The following TFAP2D variants were observed in gnomAD, a reference collection of about 807,000 sequenced individuals.
TFAP2D encodes the protein transcription factor AP-2-delta.
TFAP2D carries 9 observed loss-of-function variants against 43.6 expected under a neutral mutation model. The ratio of observed to expected loss-of-function variants is 0.21; its 90% CI spans 0.12 to 0.36. TFAP2D has a LOEUF of 0.36. Among genes scored for constraint, TFAP2D ranks in the 10% least tolerant of loss-of-function variants. TFAP2D has a pLI of 1.00. For missense variants in TFAP2D, 513 were observed against 561.4 expected, an observed-to-expected ratio of 0.91 and a Z score of 0.87; for synonymous variants, 256 against 224.9, an observed-to-expected ratio of 1.14 and a Z score of -1.24.
intron 7 of TFAP2D, 94 bp from the exon 8 acceptor site, chr6:50,772,551 T>C: frequency 9.2e-7 from 1 of 1,084,904 alleles, no homozygotes; most frequent in Non-Finnish European, 1.4e-6. Flanking sequence ...AATACCTGTT[T>C]AATTGAATGT....
chr6:50,716,030 C>T (rs960162804), intron 2 of TFAP2D, among the ~76,000 whole-genome samples: 1 of 152,102 alleles, frequency 6.6e-6, no homozygotes, highest in Non-Finnish European at 1.5e-5. Context: ...GATGACCAAT[C>T]GTACCCTCAA....
intron 2 of TFAP2D, among the ~76,000 whole-genome samples, chr6:50,716,757 C>T (rs1768634407): frequency 1.3e-5 from 2 of 152,192 alleles, no homozygotes; most frequent in East Asian, 3.9e-4. Context: ...CTGCACAAAG[C>T]TGGCCACCTT....
chr6:50,725,694 T>C (rs1768798064), intron 3 of TFAP2D, among the ~76,000 whole-genome samples: 1 of 152,208 alleles, frequency 6.6e-6, no homozygotes, highest in South Asian at 2.1e-4. Flanking sequence ...CATTACCATC[T>C]GTAGTCTGGA....
At chr6:50,767,327 T>C (rs1401193441) in intron 7 of TFAP2D, among the ~76,000 whole-genome samples, 2 of 152,198 alleles carry the variant, frequency 1.3e-5, no homozygotes, top group Admixed American at 6.5e-5. Flanking sequence ...GCTTGTCATA[T>C]ATGGTCTTTA....
chr6:50,715,683 C>T (rs1016444576), intron 2 of TFAP2D, 70 bp downstream of exon 2: 2 of 1,498,332 alleles, frequency 1.3e-6, no homozygotes, highest in Admixed American at 2.1e-5. Context: ...CCCATTAATG[C>T]TCCGACTGTA....
rs919175431 is a variant in TFAP2D at position 50,744,654 on chromosome 6, G to A, written c.884-453G>A. Among the ~76,000 whole-genome samples the A allele has an allele frequency of 5.9e-5, 9 of 152,196 alleles. No individual in the cohort carries two copies. The East Asian group carries it at 1.7e-3, about 29-fold the overall frequency. On this transcript the variant is annotated intron_variant, in intron 5 of 7. Transcript: ENST00000008391. ...TCCGACTTCCTCGAAAAGTTATATGGACCCTTCGCAGGTATTTTAATAGGT... is the reference window on the plus strand; with the variant it reads ...TCCGACTTCCTCGAAAAGTTATATGAACCCTTCGCAGGTATTTTAATAGGT...
intron 7 of TFAP2D, among the ~76,000 whole-genome samples, chr6:50,763,798 A>G (rs1213150720): frequency 6.6e-6 from 1 of 152,186 alleles, no homozygotes; most frequent in Non-Finnish European, 1.5e-5. Flanking sequence ...ACTCTGGGGA[A>G]ACGTGAAAAT....
intron 5 of TFAP2D, among the ~76,000 whole-genome samples, chr6:50,735,336 A>T (rs1190446258): frequency 2.0e-5 from 3 of 152,116 alleles, no homozygotes; most frequent in Non-Finnish European, 4.4e-5. Context: ...GAATTTAACT[A>T]AAGTAAAACT....
intron 7 of TFAP2D, among the ~76,000 whole-genome samples, chr6:50,756,164 G>A (rs1040900345): frequency 1.3e-4 from 20 of 152,034 alleles, no homozygotes; most frequent in African/African-American, 2.9e-4. Context: ...GTACCAGGCC[G>A]AGTGTGTCCC....
intron 7 of TFAP2D, 35 bp from the exon 8 acceptor site, chr6:50,772,610 T>C (rs373633584): frequency 6.3e-7 from 1 of 1,581,986 alleles, no homozygotes; most frequent in African/African-American, 1.3e-5. Flanking sequence ...CTGCAAATCA[T>C]TCACCTCTTT....
chr6:50,755,302 G>A (rs866139757), intron 7 of TFAP2D, among the ~76,000 whole-genome samples: 57 of 151,766 alleles, frequency 3.8e-4, no homozygotes, highest in African/African-American at 1.2e-3. Context: ...ATTTAAAAAG[G>A]CATCAACAGA....
At chr6:50,730,833 T>C (rs1172212386) in intron 5 of TFAP2D, among the ~76,000 whole-genome samples, 1 of 152,098 alleles carries the variant, frequency 6.6e-6, no homozygotes, top group African/African-American at 2.4e-5. Flanking sequence ...TGTATAGTGG[T>C]GTTTAAATAT....
chr6:50,718,964 C>G, intron 2 of TFAP2D, 126 bp from the exon 3 acceptor site: 1 of 889,996 alleles, frequency 1.1e-6, no homozygotes, highest in Non-Finnish European at 1.7e-6. Flanking sequence ...TGCTTCAGCT[C>G]AATGCTTGCT....
At chr6:50,740,985 A>G (rs1769035437) in intron 5 of TFAP2D, among the ~76,000 whole-genome samples, 2 of 152,102 alleles carry the variant, frequency 1.3e-5, no homozygotes, top group Non-Finnish European at 2.9e-5. Context: ...GGAAAAATGA[A>G]TTCTCTAAAA....
chr6:50,763,469 G>A (rs1769395063), intron 7 of TFAP2D, among the ~76,000 whole-genome samples: 1 of 152,048 alleles, frequency 6.6e-6, no homozygotes, highest in African/African-American at 2.4e-5. Context: ...CAGATGCATT[G>A]CTGAAATCCT....
intron 6 of TFAP2D, 36 bp downstream of exon 6, chr6:50,745,284 C>T (rs771585735): frequency 1.9e-6 from 3 of 1,601,486 alleles, no homozygotes; most frequent in Non-Finnish European, 2.5e-6. Context: ...GTGCTTTCAT[C>T]TTCAGTATTT....
intron 3 of TFAP2D, among the ~76,000 whole-genome samples, chr6:50,723,730 C>T (rs945496362): frequency 6.6e-6 from 1 of 152,136 alleles, no homozygotes; most frequent in East Asian, 1.9e-4. Flanking sequence ...GTAGCTTTCC[C>T]ACAGCCTACA....
At chr6:50,746,824 G>A (rs993508325) in intron 6 of TFAP2D, among the ~76,000 whole-genome samples, 10 of 152,086 alleles carry the variant, frequency 6.6e-5, no homozygotes, top group Non-Finnish European at 1.5e-5. Flanking sequence ...GCTGTGGCTG[G>A]CACTGTTTGG....
chr6:50,757,959 A>G (rs1769312794), intron 7 of TFAP2D, among the ~76,000 whole-genome samples: 1 of 150,260 alleles, frequency 6.7e-6, no homozygotes, highest in Non-Finnish European at 1.5e-5. Flanking sequence ...AGCGAATAGT[A>G]TGTATGCAAT....
Sources: allele counts gnomAD v4.1 joint callset (sites outside exome capture counted in the v4.1 genomes callset), GRCh38; gene constraint gnomAD v4.1.1; transcripts MANE v1.5; gene names NCBI Gene and HGNC (gene_info 2026-07-23, HGNC 2026-07-21).